Variants in DNER observed in about 807,000 individuals in gnomAD.
DNER encodes delta/notch like EGF repeat containing.
In DNER, 33 loss-of-function variants were observed where a neutral mutation model predicts 78.2. The ratio of observed to expected loss-of-function variants is 0.42; its 90% CI spans 0.32 to 0.56. DNER has a LOEUF of 0.56. Ranked by LOEUF, DNER falls within the 20% of genes least tolerant of loss-of-function variation. The pLI is 0.11. For synonymous variants in DNER, 417 were observed against 384.8 expected, an observed-to-expected ratio of 1.08 and a Z score of -0.98; for missense variants, 918 against 975.3, an observed-to-expected ratio of 0.94 and a Z score of 0.78.
chr2:229,636,561 C>A (rs546461072), intron 1 of DNER, among the ~76,000 whole-genome samples: 1 of 152,200 alleles, frequency 6.6e-6, no homozygotes, highest in South Asian at 2.1e-4. Context: ...TGTCCAAAAG[C>A]GTAGCTCACT....
At chr2:229,440,468 C>T (rs1052025913) in intron 8 of DNER, among the ~76,000 whole-genome samples, 16 of 152,116 alleles carry the variant, frequency 1.1e-4, no homozygotes, top group African/African-American at 3.9e-4. Context: ...GCTCCTCTGC[C>T]CTCTCCTGTG....
chr2:229,476,877 T>C (rs1351998931), intron 7 of DNER, among the ~76,000 whole-genome samples: 1 of 130,268 alleles, frequency 7.7e-6, no homozygotes, highest in Non-Finnish European at 1.8e-5. Flanking sequence ...CCATTAGAGA[T>C]TCTATTTTAT....
chr2:229,586,107 CA>C, intron 3 of DNER, 83 bp from the exon 4 acceptor site: 1 of 1,466,070 alleles, frequency 6.8e-7, no homozygotes, highest in African/African-American at 1.4e-5. Flanking sequence ...AAAATAAATA[CA>C]AAGATGGTAT....
At chr2:229,534,839 C>CT (rs1169972501) in intron 5 of DNER, among the ~76,000 whole-genome samples, 2 of 151,140 alleles carry the variant, frequency 1.3e-5, no homozygotes, top group African/African-American at 2.4e-5. Context: ...TTTTTTAATT[C>CT]TTTTTTTTTA....
chr2:229,618,954 C>T (rs970819956), intron 1 of DNER, among the ~76,000 whole-genome samples: 4 of 151,772 alleles, frequency 2.6e-5, no homozygotes, highest in Non-Finnish European at 4.4e-5. Context: ...AGCAATATAG[C>T]GAGACTCCCT....
At chr2:229,541,273 G>A (rs11892242) in intron 5 of DNER, among the ~76,000 whole-genome samples, 5,801 of 152,190 alleles carry the variant, frequency 0.038, 375 homozygotes, top group African/African-American at 0.13. Context: ...AAAACCTAAC[G>A]TTGGGGGAAA....
At chr2:229,531,777 A>T (rs72985904) in intron 5 of DNER, among the ~76,000 whole-genome samples, 12,260 of 152,328 alleles carry the variant, frequency 0.08, 654 homozygotes, top group East Asian at 0.14. Context: ...ATCGGTGATA[A>T]ATGGACCTTG....
intron 9 of DNER, among the ~76,000 whole-genome samples, chr2:229,416,571 C>T (rs182341372): frequency 5.9e-5 from 9 of 152,220 alleles, no homozygotes; most frequent in Non-Finnish European, 1.0e-4. Flanking sequence ...GACAGCAGCC[C>T]GTAGCCATGA....
Position 229,590,338 on chromosome 2 carries a change from T to C in DNER, c.585+1242A>G, listed in dbSNP as rs930127894. 5.3e-5 allele frequency among the ~76,000 whole-genome samples: 8 copies of C among 152,324 alleles called. No individual in the cohort carries two copies. The South Asian group carries it at 1.7e-3, about 32-fold the overall frequency. On this transcript the variant is annotated intron_variant, in intron 2 of 12. Coordinates refer to ENST00000341772, the MANE Select transcript of DNER (RefSeq NM_139072.4). ...TAGAATTTGCTGCTGCCAAAATAAA[T>C]AAAACTTGGAAGTTTCTTTGTCAAA...
intron 1 of DNER, among the ~76,000 whole-genome samples, chr2:229,685,610 C>T (rs561983867): frequency 6.6e-6 from 1 of 152,288 alleles, no homozygotes; most frequent in African/African-American, 2.4e-5. Context: ...GTAGAGAATT[C>T]AGCAAATGGC....
At chr2:229,488,562 G>T (rs1285721337) in intron 6 of DNER, among the ~76,000 whole-genome samples, 1 of 152,184 alleles carries the variant, frequency 6.6e-6, no homozygotes, top group Non-Finnish European at 1.5e-5. Context: ...AGAGAACTTG[G>T]GCTCAGAGGA....
rs1012480147 is a variant in DNER, at chr2:229,467,989, G to A, written c.1261+9151C>T. On this transcript the variant is annotated intron_variant, in intron 7 of 12. Coordinates refer to ENST00000341772, the MANE Select transcript of DNER (RefSeq NM_139072.4). Reference sequence around the variant, plus strand: ...GTTCACATGGCCGGCTGCCACAGCCGTGACAGTGGCACAGGGGGATAAGAC... The same window carrying A: ...GTTCACATGGCCGGCTGCCACAGCCATGACAGTGGCACAGGGGGATAAGAC... Among the ~76,000 whole-genome samples, 8 of 152,206 alleles carry A rather than the reference G, an allele frequency of 5.3e-5. No individual in the cohort carries two copies. The South Asian group carries it at 6.2e-4, about 12-fold the overall frequency.
At position 229,532,431 on chromosome 2, in the gene DNER, C is replaced by T. The variant is rs139150941; in HGVS notation, c.993+14516G>A. ...AAGCCTTTCTTTTGACCGAATTTCC[C>T]ACTCAGGTACCATCTCACTCTGTCC... On this transcript the variant is annotated intron_variant, in intron 5 of 12. Transcript: ENST00000341772. Among the ~76,000 whole-genome samples, 15 of 152,294 alleles carry T rather than the reference C, an allele frequency of 9.8e-5. No individual in the cohort carries two copies. The South Asian group carries it at 1.9e-3, about 19-fold the overall frequency.
intron 10 of DNER, 115 bp from the exon 11 acceptor site, chr2:229,388,511 C>A: frequency 8.1e-7 from 1 of 1,234,142 alleles, no homozygotes; most frequent in Non-Finnish European, 1.0e-6. Flanking sequence ...CAATAGAGCC[C>A]AACCTGCTGT....
chr2:229,365,261 T>C (rs1294897221), intron 12 of DNER, among the ~76,000 whole-genome samples: 17 of 152,068 alleles, frequency 1.1e-4, no homozygotes, highest in Non-Finnish European at 2.5e-4. Flanking sequence ...GGCTGCCTGA[T>C]TTGGAACTTT....
At chr2:229,449,306 T>C (rs1371671179) in intron 7 of DNER, among the ~76,000 whole-genome samples, 2 of 152,224 alleles carry the variant, frequency 1.3e-5, no homozygotes, top group Admixed American at 6.5e-5. Context: ...CGTCACTATT[T>C]AACATGATTT....
intron 9 of DNER, among the ~76,000 whole-genome samples, chr2:229,409,894 C>T (rs923386515): frequency 6.6e-6 from 1 of 152,150 alleles, no homozygotes; most frequent in African/African-American, 2.4e-5. Context: ...TATTGCTCAG[C>T]TTGTCATTAG....
intron 10 of DNER, among the ~76,000 whole-genome samples, chr2:229,389,580 A>G (rs1471728249): frequency 2.0e-5 from 3 of 152,140 alleles, no homozygotes; most frequent in Non-Finnish European, 4.4e-5. Flanking sequence ...ATTTTTGTCC[A>G]TTTTCAAAAG....
chr2:229,533,861 A>G (rs1696353616), intron 5 of DNER, among the ~76,000 whole-genome samples: 1 of 152,250 alleles, frequency 6.6e-6, no homozygotes. Flanking sequence ...TTCAAGAGCA[A>G]ATTAGAATTT....
Sources: gnomAD v4.1 joint callset for allele counts (sites outside exome capture counted in the v4.1 genomes callset) on GRCh38, gnomAD v4.1.1 for gene constraint, MANE v1.5 for transcripts, NCBI Gene and HGNC (gene_info 2026-07-23, HGNC 2026-07-21) for gene names.